The following DPP10 variants were observed in gnomAD, a reference collection of about 807,000 sequenced individuals.
DPP10 encodes the protein inactive dipeptidyl peptidase 10.
DPP10 carries 33 observed loss-of-function variants against 120.9 expected under a neutral mutation model. The observed-to-expected ratio is 0.27, with a 90% CI of 0.21 to 0.37. The LOEUF (loss-of-function observed/expected upper bound fraction) is 0.37. Among genes scored for constraint, DPP10 ranks in the 10% least tolerant of loss-of-function variants. The pLI is 1.00. For missense variants in DPP10, 816 were observed against 942.8 expected, an observed-to-expected ratio of 0.87 and a Z score of 1.76; for synonymous variants, 337 against 326.1, an observed-to-expected ratio of 1.03 and a Z score of -0.36.
chr2:114,771,585 CTCTT>C (rs1315208291), intron 1 of DPP10, among the ~76,000 whole-genome samples: 2 of 152,184 alleles, frequency 1.3e-5, no homozygotes, highest in Non-Finnish European at 2.9e-5. Flanking sequence ...AGATAAAGAT[CTCTT>C]TCTATCTTTA....
At chr2:115,321,525 T>TC (rs771534124) in intron 2 of DPP10, among the ~76,000 whole-genome samples, 31 of 150,550 alleles carry the variant, frequency 2.1e-4, no homozygotes, top group Non-Finnish European at 4.4e-4. Context: ...GTTTTTTTTT[T>TC]TTTTTTGAGT....
rs191679527 is a variant in DPP10, at chr2:114,967,718, T to C, written c.61-341521T>C. On this transcript the variant is annotated intron_variant, in intron 1 of 25. Coordinates refer to ENST00000410059, the MANE Select transcript of DPP10 (RefSeq NM_020868.6). ...TATTGGTCGTGAGACCCAAAAGTCTTGGTCATTCCGTCTGCTAAAAAGTCT... is the reference window on the plus strand; with the variant it reads ...TATTGGTCGTGAGACCCAAAAGTCTCGGTCATTCCGTCTGCTAAAAAGTCT... Among the ~76,000 whole-genome samples the C allele has an allele frequency of 2.2e-3, 335 of 152,302 alleles. 4 individuals carry two copies. The highest frequency in any genetic ancestry group is 7.7e-3 in the African/African-American group (320 of 41,568).
rs536634457 is a variant in DPP10, at chr2:115,157,811, C to CT, written c.61-151427dup. On this transcript the variant is annotated intron_variant, in intron 1 of 25. Transcript: ENST00000410059. ...TCTCTGAAGACACAGCTCGTGAACT[C>CT]TGTCTTCTTGATGCTGTGCTCATTA... Among the ~76,000 whole-genome samples the CT allele has an allele frequency of 4.4e-4, 67 of 152,346 alleles. No individual in the cohort carries two copies. The South Asian group carries it at 0.014, about 31-fold the overall frequency.
intron 1 of DPP10, among the ~76,000 whole-genome samples, chr2:115,006,370 T>G (rs1701842014): frequency 6.6e-6 from 1 of 151,480 alleles, no homozygotes; most frequent in African/African-American, 2.4e-5. Flanking sequence ...CATAACACTA[T>G]TAACTTTAAA....
intron 1 of DPP10, among the ~76,000 whole-genome samples, chr2:115,275,738 C>T (rs190688321): frequency 2.3e-5 from 3 of 132,038 alleles, no homozygotes; most frequent in African/African-American, 8.5e-5. Flanking sequence ...CTCGCTCTGT[C>T]GCCCAGGCTG....
At chr2:115,768,519 C>A in intron 13 of DPP10, 115 bp downstream of exon 13, 2 of 795,266 alleles carry the variant, frequency 2.5e-6, no homozygotes, top group Non-Finnish European at 4.0e-6. Flanking sequence ...GCCATATATA[C>A]AACTCACAGA....
chr2:115,054,014 C>T (rs773709139), intron 1 of DPP10, among the ~76,000 whole-genome samples: 5 of 152,042 alleles, frequency 3.3e-5, no homozygotes, highest in South Asian at 4.1e-4. Flanking sequence ...AGTGCTTTGT[C>T]GAATTCTTGC....
chr2:114,495,397 CAT>C lies in DPP10; in HGVS notation c.60+52560_60+52561del, dbSNP rs531266086. On this transcript the variant is annotated intron_variant, in intron 1 of 25. Transcript: ENST00000410059. ...AAGTTTTTTATACTATAAGTGATCACATGTTAAGTAAGATCTGTAAATACTGC... is the reference window on the plus strand; with the variant it reads ...AAGTTTTTTATACTATAAGTGATCACGTTAAGTAAGATCTGTAAATACTGC... Among the ~76,000 whole-genome samples the C allele has an allele frequency of 2.9e-3, 437 of 152,278 alleles. 6 individuals carry two copies. Among genetic ancestry groups the C allele is most frequent in the Non-Finnish European group, 1.5e-3 (103 of 68,006 alleles).
At chr2:115,817,404 G>A (rs114894239) in intron 21 of DPP10, among the ~76,000 whole-genome samples, 1 of 152,262 alleles carries the variant, frequency 6.6e-6, no homozygotes, top group African/African-American at 2.4e-5. Context: ...TAACTGGTAA[G>A]TTTAATTGGG....
chr2:114,931,104 A>G (rs1696036487), intron 1 of DPP10, among the ~76,000 whole-genome samples: 1 of 152,124 alleles, frequency 6.6e-6, no homozygotes, highest in African/African-American at 2.4e-5. Context: ...GTCCTCCAAA[A>G]TCTTACAGCC....
At chr2:115,424,887 G>A (rs545151331) in intron 3 of DPP10, among the ~76,000 whole-genome samples, 4 of 152,234 alleles carry the variant, frequency 2.6e-5, no homozygotes, top group Non-Finnish European at 4.4e-5. Flanking sequence ...ATGATTAATC[G>A]TCTGTAGAAA....
At chr2:114,854,071 T>C (rs1689181100) in intron 1 of DPP10, among the ~76,000 whole-genome samples, 1 of 152,204 alleles carries the variant, frequency 6.6e-6, no homozygotes. Flanking sequence ...TAATTTGTTA[T>C]GCATCAGTAG....
intron 19 of DPP10, among the ~76,000 whole-genome samples, chr2:115,794,939 G>C (rs2149933106): frequency 6.6e-6 from 1 of 152,194 alleles, no homozygotes; most frequent in Admixed American, 6.5e-5. Context: ...AATGGCTATG[G>C]GGAGATAACA....
chr2:115,201,822 GA>G (rs1387744747), intron 1 of DPP10, among the ~76,000 whole-genome samples: 2 of 150,424 alleles, frequency 1.3e-5, no homozygotes, highest in Non-Finnish European at 2.9e-5. Flanking sequence ...TGCAAATTCA[GA>G]ATTGCTACTT....
intron 1 of DPP10, among the ~76,000 whole-genome samples, chr2:114,584,902 G>A (rs961397322): frequency 7.2e-5 from 11 of 152,082 alleles, no homozygotes; most frequent in African/African-American, 2.7e-4. Flanking sequence ...GGAAAGTTTG[G>A]ATCTCAAAGT....
intron 1 of DPP10, among the ~76,000 whole-genome samples, chr2:114,707,852 C>T (rs547793972): frequency 3.3e-5 from 5 of 152,274 alleles, no homozygotes; most frequent in Admixed American, 2.0e-4. Flanking sequence ...GAATTCTATG[C>T]ACCAGTGTCA....
intron 2 of DPP10, among the ~76,000 whole-genome samples, chr2:115,310,083 A>G (rs1332101344): frequency 2.6e-5 from 4 of 152,110 alleles, no homozygotes; most frequent in Admixed American, 2.6e-4. Context: ...TCTTCCAGAT[A>G]CATTTAGCAG....
intron 3 of DPP10, among the ~76,000 whole-genome samples, chr2:115,360,254 G>A (rs1003875705): frequency 1.3e-5 from 2 of 152,170 alleles, no homozygotes; most frequent in Non-Finnish European, 2.9e-5. Flanking sequence ...TCTTTCAGAA[G>A]TTGCTGTCAT....
At chr2:114,719,517 C>T (rs935453420) in intron 1 of DPP10, among the ~76,000 whole-genome samples, 1 of 152,172 alleles carries the variant, frequency 6.6e-6, no homozygotes, top group Non-Finnish European at 1.5e-5. Flanking sequence ...CAGGTAGATG[C>T]TTGATCCACA....
Sources: gnomAD v4.1 joint callset for allele counts (sites outside exome capture counted in the v4.1 genomes callset) on GRCh38, gnomAD v4.1.1 for gene constraint, MANE v1.5 for transcripts, NCBI Gene and HGNC (gene_info 2026-07-23, HGNC 2026-07-21) for gene names.